The following CNTN6 variants were observed in gnomAD, a reference collection of about 807,000 sequenced individuals.
The protein encoded by CNTN6 is contactin-6.
A neutral mutation model predicts 122.8 loss-of-function variants in CNTN6; 137 were observed. The observed-to-expected ratio is 1.12, with a 90% confidence interval of 0.97 to 1.29. CNTN6 has a LOEUF of 1.29. Ranked by LOEUF, CNTN6 falls within the 50% of genes most tolerant of loss-of-function variation. CNTN6 has a pLI of 0.00. For missense variants in CNTN6, 1,634 were observed against 1,223.4 expected (o/e 1.34, Z -5.01); for synonymous variants, 570 against 426.0 (o/e 1.34, Z -4.16).
intron 4 of CNTN6, among the ~76,000 whole-genome samples, chr3:1,250,407 T>C (rs1018883541): frequency 6.6e-6 from 1 of 152,190 alleles, no homozygotes. Context: ...GAGTCTGTGA[T>C]GCACTGGATA....
At chr3:1,347,816 C>G (rs942067296) in intron 11 of CNTN6, among the ~76,000 whole-genome samples, 1 of 151,974 alleles carries the variant, frequency 6.6e-6, no homozygotes, top group African/African-American at 2.4e-5. Flanking sequence ...AGAACACAGA[C>G]AAGAGGTTGC....
At chr3:1,151,335 T>C (rs577829139) in intron 2 of CNTN6, among the ~76,000 whole-genome samples, 24 of 152,194 alleles carry the variant, frequency 1.6e-4, no homozygotes, top group Admixed American at 9.8e-4. Context: ...GTAGAATAAA[T>C]TTAGTCATAT....
chr3:1,153,292 G>A (rs367940200), intron 2 of CNTN6, among the ~76,000 whole-genome samples: 34 of 152,148 alleles, frequency 2.2e-4, no homozygotes, highest in African/African-American at 8.2e-4. Flanking sequence ...CCCTCCTTGA[G>A]GGATTCTAAT....
At chr3:1,200,766 T>G (rs13086390) in intron 2 of CNTN6, among the ~76,000 whole-genome samples, 5 of 152,162 alleles carry the variant, frequency 3.3e-5, no homozygotes, top group African/African-American at 1.2e-4. Context: ...TCAAAATAAC[T>G]TCATGTCACT....
At chr3:1,377,934 A>T (rs155386) in intron 17 of CNTN6, among the ~76,000 whole-genome samples, 64,529 of 151,526 alleles carry the variant, frequency 0.43, 14,465 homozygotes, top group African/African-American at 0.57. Flanking sequence ...TGCGTTTTTT[A>T]ATTTATTTTT....
rs946781591 is a variant in CNTN6, at chr3:1,190,701, G to A, written c.56-29986G>A. On this transcript the variant is annotated intron_variant, in intron 2 of 22. Transcript: ENST00000446702. ...CAGGAAATACTCCTCAGAGAACAGC[G>A]GTGAGGGAGGGATAATATGAACTAC... Among the ~76,000 whole-genome samples the A allele has an allele frequency of 5.9e-5, 9 of 152,148 alleles. No homozygotes were observed. The South Asian group carries it at 8.3e-4, about 14-fold the overall frequency.
intron 21 of CNTN6, among the ~76,000 whole-genome samples, chr3:1,401,880 AGAAC>A (rs974138525): frequency 1.3e-5 from 2 of 152,082 alleles, no homozygotes; most frequent in African/African-American, 4.8e-5. Context: ...TAGAGATTTT[AGAAC>A]TTAGGCTGCA....
Position 1,227,898 on chromosome 3 carries a change from G to GC in CNTN6, c.268dup (p.His90ProfsTer33). The GC allele has an allele frequency of 6.2e-7, 1 of 1,613,868 alleles. No individual in the cohort carries two copies. Among genetic ancestry groups the GC allele is most frequent in the Non-Finnish European group, 8.5e-7 (1 of 1,179,942 alleles). On this transcript the variant is annotated frameshift_variant, in exon 4 of 23. Coordinates refer to ENST00000446702, the MANE Select transcript of CNTN6 (RefSeq NM_001289080.2). LOFTEE classifies it high-confidence loss of function. Reference sequence around the variant, plus strand: ...GATGGAGGCAGTCTTGCAATCAATAGCCCCCACACAGATCAAGATATTGGC... The same window carrying GC: ...GATGGAGGCAGTCTTGCAATCAATAGCCCCCCACACAGATCAAGATATTGGC...
At chr3:1,247,471 G>C (rs1197766211) in intron 4 of CNTN6, among the ~76,000 whole-genome samples, 1 of 151,768 alleles carries the variant, frequency 6.6e-6, no homozygotes, top group Non-Finnish European at 1.5e-5. Context: ...AAAGAGGCTT[G>C]AATTGTAAGT....
At chr3:1,271,765 A>T (rs762828775) in intron 4 of CNTN6, among the ~76,000 whole-genome samples, 5 of 152,140 alleles carry the variant, frequency 3.3e-5, no homozygotes, top group Non-Finnish European at 5.9e-5. Context: ...AACTTTTTGG[A>T]AAAGCATTAG....
chr3:1,213,705 A>G (rs1375892745), intron 2 of CNTN6, among the ~76,000 whole-genome samples: 1 of 151,986 alleles, frequency 6.6e-6, no homozygotes, highest in East Asian at 1.9e-4. Context: ...TTTTATAAAA[A>G]TGAGATCATA....
intron 20 of CNTN6, among the ~76,000 whole-genome samples, chr3:1,394,739 T>G (rs914094660): frequency 6.6e-6 from 1 of 152,190 alleles, no homozygotes; most frequent in Non-Finnish European, 1.5e-5. Flanking sequence ...GACACTAAAT[T>G]TTTTCAGTTG....
Position 1,374,081 on chromosome 3 carries a change from A to G in CNTN6, c.2095+8A>G. ...TAAGAACTAAAGCATCAGGTAAAGA[A>G]TCAATGTGTTCTAAAAGTGTGGAAG... On this transcript the variant is annotated splice_region_variant and intron_variant, in intron 16 of 22. Coordinates refer to ENST00000446702, the MANE Select transcript of CNTN6 (RefSeq NM_001289080.2). 1 of 1,611,982 alleles carries G rather than the reference A, an allele frequency of 6.2e-7. No homozygotes were observed.
At chr3:1,317,839 A>C (rs1464984856) in intron 7 of CNTN6, among the ~76,000 whole-genome samples, 1 of 151,348 alleles carries the variant, frequency 6.6e-6, no homozygotes, top group African/African-American at 2.4e-5. Flanking sequence ...AGCCCAACTG[A>C]AATGAGATGG....
chr3:1,247,056 GT>G (rs1362734541), intron 4 of CNTN6, among the ~76,000 whole-genome samples: 4 of 151,916 alleles, frequency 2.6e-5, no homozygotes, highest in African/African-American at 9.7e-5. Flanking sequence ...TTTTTGAGAT[GT>G]TTTTTGTAAA....
intron 2 of CNTN6, among the ~76,000 whole-genome samples, chr3:1,158,534 TTGATA>T (rs2093028811): frequency 6.6e-6 from 1 of 151,838 alleles, no homozygotes; most frequent in African/African-American, 2.4e-5. Flanking sequence ...GCTTTTAAAC[TTGATA>T]TGATCCCATT....
intron 20 of CNTN6, among the ~76,000 whole-genome samples, chr3:1,396,130 A>G (rs545579827): frequency 4.5e-4 from 68 of 152,322 alleles, no homozygotes; most frequent in Non-Finnish European, 7.3e-5. Flanking sequence ...GTAGACTAAG[A>G]AAAAGGCAAG....
chr3:1,385,191 A>C (rs1692679800), intron 19 of CNTN6, among the ~76,000 whole-genome samples: 1 of 152,108 alleles, frequency 6.6e-6, no homozygotes. Flanking sequence ...GTTCAGTATA[A>C]ATTGAATTAT....
At chr3:1,161,956 A>T (rs1401573137) in intron 2 of CNTN6, among the ~76,000 whole-genome samples, 1 of 152,174 alleles carries the variant, frequency 6.6e-6, no homozygotes. Context: ...TACTAAATTG[A>T]AGAACAAAGA....
Sources: allele counts gnomAD v4.1 joint callset (sites outside exome capture counted in the v4.1 genomes callset), GRCh38; gene constraint gnomAD v4.1.1; transcripts MANE v1.5; gene names NCBI Gene and HGNC (gene_info 2026-07-23, HGNC 2026-07-21).